The following CIAO2A variants were observed in gnomAD, a reference collection of about 807,000 sequenced individuals.
CIAO2A encodes the protein cytosolic iron-sulfur assembly component 2A, also known as MIP18 family protein FAM96A.
In CIAO2A, 17 loss-of-function variants were observed where a neutral mutation model predicts 22.4. The ratio of observed to expected loss-of-function variants is 0.76; its 90% CI spans 0.52 to 1.14. CIAO2A has a LOEUF of 1.14. CIAO2A is among the 50% of genes most tolerant of loss of function. CIAO2A has a pLI of 0.00. For synonymous variants in CIAO2A, 74 were observed against 72.3 expected (o/e 1.02, Z -0.12); for missense variants, 192 against 191.4 (o/e 1.00, Z -0.02).
intron 2 of CIAO2A, among the ~76,000 whole-genome samples, 175 bp from the exon 3 acceptor site, chr15:64,081,326 T>A (rs1046778999): frequency 6.6e-6 from 1 of 152,180 alleles, no homozygotes; most frequent in Non-Finnish European, 1.5e-5. Flanking sequence ...ATTTAATATA[T>A]AATCTTACAT....
At chr15:64,084,042 G>T (rs1220419214) in intron 2 of CIAO2A, among the ~76,000 whole-genome samples, 2 of 152,136 alleles carry the variant, frequency 1.3e-5, no homozygotes, top group African/African-American at 4.8e-5. Flanking sequence ...CTTTCTACAG[G>T]AAGTGTACAG....
chr15:64,087,440 G>T (rs1193178694), intron 2 of CIAO2A, among the ~76,000 whole-genome samples: 1 of 151,934 alleles, frequency 6.6e-6, no homozygotes. Context: ...TGTTGGTCAG[G>T]CTTGTCTCAA....
intron 1 of CIAO2A, among the ~76,000 whole-genome samples, chr15:64,090,830 G>A (rs332261): frequency 0.28 from 43,023 of 152,112 alleles, 6,890 homozygotes; most frequent in South Asian, 0.57. Flanking sequence ...AAGGATAAGG[G>A]CAACTTTGAG....
At position 64,072,771 on chromosome 15, in the gene CIAO2A, T is replaced by A. The variant is rs568718869; in HGVS notation, c.*160A>T. 8.6e-5 allele frequency: 42 copies of A among 486,920 alleles called. No homozygotes were observed. The highest frequency in any genetic ancestry group is 1.4e-4 in the Non-Finnish European group (38 of 274,516). The allele number at this position is 486,920 out of a possible 1,614,324, so 30.2% of individuals were successfully genotyped here. A position where few individuals can be genotyped will look rare whatever the true frequency, so the allele number is the denominator to read the frequency against. On this transcript the variant is annotated 3_prime_UTR_variant, in exon 5 of 5. Coordinates refer to ENST00000300030, the MANE Select transcript of CIAO2A (RefSeq NM_032231.7). ...TGAGAATGTTATACATTGAACAAAT[T>A]AGGTACTACCTTATAATTAAATCTC...
intron 3 of CIAO2A, among the ~76,000 whole-genome samples, chr15:64,079,154 T>G (rs1167550015): frequency 6.6e-6 from 1 of 151,846 alleles, no homozygotes; most frequent in Non-Finnish European, 1.5e-5. Context: ...AAAAAAAATT[T>G]AAAAGATAAA....
intron 2 of CIAO2A, among the ~76,000 whole-genome samples, chr15:64,085,959 C>G (rs1418017410): frequency 6.6e-6 from 1 of 151,754 alleles, no homozygotes; most frequent in African/African-American, 2.4e-5. Flanking sequence ...CTGCCCGCCT[C>G]GGCCTCCCAA....
chr15:64,086,521 GCAGTACTTT>G (rs2080796235), intron 2 of CIAO2A, among the ~76,000 whole-genome samples: 1 of 152,014 alleles, frequency 6.6e-6, no homozygotes, highest in Non-Finnish European at 1.5e-5. Context: ...AACACCCACA[GCAGTACTTT>G]CAGTATCTGT....
chr15:64,088,676 G>T lies in CIAO2A; in HGVS notation c.289+11C>A. ...TTATATAAATATACATGTATGTACA[G>T]AAAAACTTACCAATAAGAGTCGCCA... On this transcript the variant is annotated intron_variant, in intron 2 of 4. Coordinates refer to ENST00000300030, the MANE Select transcript of CIAO2A (RefSeq NM_032231.7). 6.3e-7 allele frequency: 1 copy of T among 1,599,608 alleles called. No individual in the cohort carries two copies. The highest frequency in any genetic ancestry group is 1.1e-5 in the South Asian group (1 of 88,534).
chr15:64,082,429 T>C (rs2080764697), intron 2 of CIAO2A, among the ~76,000 whole-genome samples: 1 of 152,156 alleles, frequency 6.6e-6, no homozygotes, highest in Admixed American at 6.6e-5. Flanking sequence ...GGTTTCATCA[T>C]GTTGGCCAGG....
chr15:64,082,672 G>A (rs914079974), intron 2 of CIAO2A, among the ~76,000 whole-genome samples: 1 of 152,102 alleles, frequency 6.6e-6, no homozygotes. Flanking sequence ...CCCCACCATT[G>A]TCTCCTTAAT....
rs146340009 is a variant in CIAO2A at position 64,091,313 on chromosome 15, C to T, written c.124+2332G>A. 6.7e-3 allele frequency among the ~76,000 whole-genome samples: 1,020 copies of T among 152,024 alleles called. 9 individuals are homozygous for T. Among genetic ancestry groups the T allele is most frequent in the African/African-American group, 0.024 (980 of 41,486 alleles). On this transcript the variant is annotated intron_variant, in intron 1 of 4. Transcript: ENST00000300030. The stretch of plus-strand genomic sequence containing the variant: ...CAGCCTGGCCAACATGGCAAAAACC[C>T]GTCTCTACTAAAAATACAAAAATGA...
intron 4 of CIAO2A, chr15:64,074,551 G>T (rs1439969376): frequency 6.6e-6 from 1 of 152,156 alleles, no homozygotes; most frequent in Non-Finnish European, 1.5e-5. Context: ...CTCAGCTCGT[G>T]GGGTTTAAAG....
chr15:64,090,416 T>C (rs564704623), intron 1 of CIAO2A: 10 of 152,752 alleles, frequency 6.5e-5, no homozygotes, highest in African/African-American at 2.4e-4. Flanking sequence ...TTAATTGGTT[T>C]GCTGGCCTTT....
chr15:64,085,302 A>C (rs1299324750), intron 2 of CIAO2A, among the ~76,000 whole-genome samples: 1 of 152,034 alleles, frequency 6.6e-6, no homozygotes, highest in Admixed American at 6.5e-5. Flanking sequence ...GGGGAGGCTG[A>C]GGCATGAGCC....
chr15:64,086,854 T>C (rs1005121601), intron 2 of CIAO2A, among the ~76,000 whole-genome samples: 17 of 151,892 alleles, frequency 1.1e-4, no homozygotes, highest in Non-Finnish European at 2.4e-4. Context: ...CCTCAAGTGA[T>C]CCACTGCCTT....
chr15:64,084,039 C>G (rs7176404), intron 2 of CIAO2A, among the ~76,000 whole-genome samples: 110,222 of 152,048 alleles, frequency 0.72, 40,602 homozygotes, highest in East Asian at 0.81. Context: ...AAACTTTCTA[C>G]AGGAAGTGTA....
At chr15:64,074,262 A>G (rs1187498076) in intron 4 of CIAO2A, 1 of 152,236 alleles carries the variant, frequency 6.6e-6, no homozygotes, top group Non-Finnish European at 1.5e-5. Context: ...TCTCATGTAG[A>G]AGACACACAA....
chr15:64,086,032 TTTTC>T (rs2080791892), intron 2 of CIAO2A, among the ~76,000 whole-genome samples: 1 of 151,982 alleles, frequency 6.6e-6, no homozygotes, highest in African/African-American at 2.4e-5. Context: ...TAGCTGGTTT[TTTTC>T]TTTATGTTTT....
intron 1 of CIAO2A, among the ~76,000 whole-genome samples, chr15:64,092,082 AAAAAAAT>A (rs1158632522): frequency 6.6e-6 from 1 of 151,600 alleles, no homozygotes; most frequent in Admixed American, 6.6e-5. Flanking sequence ...AAAAAAAAAA[AAAAAAAT>A]TTAAAAGAAA....
Sources: allele counts gnomAD v4.1 joint callset (sites outside exome capture counted in the v4.1 genomes callset), GRCh38; gene constraint gnomAD v4.1.1; transcripts MANE v1.5; gene names NCBI Gene and HGNC (gene_info 2026-07-23, HGNC 2026-07-21).